Variants in RAB2A observed in about 807,000 individuals in gnomAD.
The protein encoded by RAB2A is RAB2A, member RAS oncogene family.
Under a neutral mutation model 32.5 loss-of-function variants are expected in RAB2A, and 7 were observed. The ratio of observed to expected loss-of-function variants is 0.22; its 90% CI spans 0.12 to 0.40. The LOEUF (loss-of-function observed/expected upper bound fraction) is 0.40, where lower values mean the gene tolerates loss of function less well. Among genes scored for constraint, RAB2A ranks in the 10% least tolerant of loss-of-function variants. RAB2A has a pLI of 1.00. For synonymous variants in RAB2A, 79 were observed against 85.2 expected (o/e 0.93, Z 0.40); for missense variants, 108 against 260.7 (o/e 0.41, Z 4.03).
intron 1 of RAB2A, among the ~76,000 whole-genome samples, chr8:60,538,983 C>T (rs577734631): frequency 6.6e-6 from 1 of 152,170 alleles, no homozygotes; most frequent in East Asian, 1.9e-4. Flanking sequence ...AGCGTCATTT[C>T]CCCATCTGAA....
chr8:60,544,095 G>T (rs1807689188), intron 1 of RAB2A, among the ~76,000 whole-genome samples: 1 of 147,298 alleles, frequency 6.8e-6, no homozygotes, highest in Non-Finnish European at 1.5e-5. Flanking sequence ...ATAAATTGCA[G>T]ATATTTTCAA....
chr8:60,607,117 C>CT (rs201215354), intron 6 of RAB2A, among the ~76,000 whole-genome samples: 20,169 of 124,690 alleles, frequency 0.16, 1,555 homozygotes, highest in East Asian at 0.28. Flanking sequence ...GGTCAATTGT[C>CT]TTTTTTTTTT....
At chr8:60,525,487 A>G (rs1002429812) in intron 1 of RAB2A, among the ~76,000 whole-genome samples, 1 of 152,124 alleles carries the variant, frequency 6.6e-6, no homozygotes, top group Admixed American at 6.6e-5. Flanking sequence ...TGGTAGAACA[A>G]AGATCTAGGG....
In RAB2A at chr8:60,572,117, A is replaced by G; in HGVS notation, c.186+4A>G. The G allele has an allele frequency of 6.3e-7, 1 of 1,591,368 alleles. No individual in the cohort carries two copies. The highest frequency in any genetic ancestry group is 1.3e-5 in the African/African-American group (1 of 74,446). On this transcript the variant is annotated splice_donor_region_variant and intron_variant, in intron 3 of 7. Transcript: ENST00000262646. ...AAAACTTCAGATATGGGATACGGTA[A>G]GTATAGGAAAAGTGCACTGTATGAT...
At chr8:60,526,039 ATATATATATATATATAT>A (rs1369598797) in intron 1 of RAB2A, among the ~76,000 whole-genome samples, 11 of 123,504 alleles carry the variant, frequency 8.9e-5, no homozygotes, top group Admixed American at 5.1e-4. Flanking sequence ...ATATATATAT[ATATATATATATATATAT>A]AAGTTTTCTG....
Position 60,584,207 on chromosome 8 carries a change from G to T in RAB2A, c.187-1G>T. On this transcript the variant is annotated splice_acceptor_variant, in intron 3 of 7. Coordinates refer to ENST00000262646, the MANE Select transcript of RAB2A (RefSeq NM_002865.3). LOFTEE classifies it high-confidence loss of function. ...CTCTCCAACCTTTTTTTTCGTTACAGGCAGGGCAAGAATCCTTTCGTTCCA... is the reference window on the plus strand; with the variant it reads ...CTCTCCAACCTTTTTTTTCGTTACATGCAGGGCAAGAATCCTTTCGTTCCA... The T allele has an allele frequency of 6.3e-7, 1 of 1,598,314 alleles. No homozygotes were observed. The highest frequency in any genetic ancestry group is 1.1e-5 in the South Asian group (1 of 90,732).
chr8:60,537,710 T>A (rs1009370804), intron 1 of RAB2A, among the ~76,000 whole-genome samples: 2 of 152,206 alleles, frequency 1.3e-5, no homozygotes, highest in Non-Finnish European at 2.9e-5. Flanking sequence ...TTATTTATTT[T>A]CAGGTAGAGT....
chr8:60,541,994 T>C (rs770340599), intron 1 of RAB2A, among the ~76,000 whole-genome samples: 21 of 152,200 alleles, frequency 1.4e-4, no homozygotes, highest in Non-Finnish European at 2.8e-4. Flanking sequence ...AATGTTCATC[T>C]TTGAAAAAAT....
At chr8:60,578,139 C>T (rs935038691) in intron 3 of RAB2A, among the ~76,000 whole-genome samples, 3 of 152,172 alleles carry the variant, frequency 2.0e-5, no homozygotes, top group African/African-American at 7.2e-5. Context: ...CTGATTCTCA[C>T]AAATCTTAAT....
intron 1 of RAB2A, among the ~76,000 whole-genome samples, chr8:60,521,654 C>T (rs534876448): frequency 2.6e-5 from 4 of 152,110 alleles, no homozygotes; most frequent in African/African-American, 9.6e-5. Flanking sequence ...GAGTTTTGCT[C>T]TTGTCACCCA....
At chr8:60,579,393 A>G (rs116424591) in intron 3 of RAB2A, among the ~76,000 whole-genome samples, 130 of 152,240 alleles carry the variant, frequency 8.5e-4, no homozygotes, top group African/African-American at 2.9e-3. Context: ...GAGCCAAGAG[A>G]ACTTACTGTC....
chr8:60,572,582 T>C (rs1192940250), intron 3 of RAB2A, among the ~76,000 whole-genome samples: 1 of 152,194 alleles, frequency 6.6e-6, no homozygotes, highest in East Asian at 1.9e-4. Context: ...TCATACAATA[T>C]TGTTTTTAAT....
intron 6 of RAB2A, among the ~76,000 whole-genome samples, chr8:60,596,532 A>G (rs1013318861): frequency 1.3e-5 from 2 of 152,226 alleles, no homozygotes; most frequent in Non-Finnish European, 1.5e-5. Context: ...GCGGCCAACA[A>G]ACATATGAAA....
rs147543962 is a variant in RAB2A at position 60,527,411 on chromosome 8, G to T, written c.46+10158G>T. ...GGTTTAATTGACTCACAGTTCTGGAGAGCTGGAGAGGCCTCAGGAAAATTA... is the reference window on the plus strand; with the variant it reads ...GGTTTAATTGACTCACAGTTCTGGATAGCTGGAGAGGCCTCAGGAAAATTA... On this transcript the variant is annotated intron_variant, in intron 1 of 7. Transcript: ENST00000262646. Among the ~76,000 whole-genome samples, 20 of 152,198 alleles carry T rather than the reference G, an allele frequency of 1.3e-4. No homozygotes were observed. The East Asian group carries it at 3.9e-3, about 29-fold the overall frequency.
At chr8:60,571,953 G>A in intron 2 of RAB2A, 93 bp from the exon 3 acceptor site, 1 of 821,866 alleles carries the variant, frequency 1.2e-6, no homozygotes, top group Admixed American at 2.2e-5. Flanking sequence ...ACCTAGCATA[G>A]CATGTCTTGG....
At chr8:60,572,189 GTTA>G in intron 3 of RAB2A, 76 bp downstream of exon 3, 6 of 1,091,288 alleles carry the variant, frequency 5.5e-6, no homozygotes, top group Non-Finnish European at 8.1e-6. Context: ...TTGTTTTAAT[GTTA>G]TTATATGCCT....
At chr8:60,542,673 T>TTTACAATATTAA (rs1554552263) in intron 1 of RAB2A, among the ~76,000 whole-genome samples, 5 of 152,228 alleles carry the variant, frequency 3.3e-5, no homozygotes, top group African/African-American at 9.6e-5. Context: ...GGGGGTACTT[T>TTTACAATATTAA]AATATTGTAA....
chr8:60,587,133 TA>T (rs1470365764), intron 5 of RAB2A, among the ~76,000 whole-genome samples: 1 of 152,152 alleles, frequency 6.6e-6, no homozygotes, highest in Non-Finnish European at 1.5e-5. Flanking sequence ...TTTATTATAC[TA>T]TAGTCAATTT....
chr8:60,605,852 T>TATATATATATATA (rs777621349), intron 6 of RAB2A, among the ~76,000 whole-genome samples: 1 of 144,746 alleles, frequency 6.9e-6, no homozygotes, highest in Admixed American at 6.8e-5. Context: ...TATATATATA[T>TATATATATATATA]AATGCTTCAT....
Sources: allele counts gnomAD v4.1 joint callset (sites outside exome capture counted in the v4.1 genomes callset), GRCh38; gene constraint gnomAD v4.1.1; transcripts MANE v1.5; gene names NCBI Gene and HGNC (gene_info 2026-07-23, HGNC 2026-07-21).